BARD1: variants seen among roughly 807,000 people sequenced by gnomAD.
BARD1 encodes BRCA1-associated RING domain protein 1.
In BARD1, 73 loss-of-function variants were observed where a neutral mutation model predicts 77.0. That is an observed-to-expected ratio of 0.95 (90% CI 0.79 to 1.15). The LOEUF (loss-of-function observed/expected upper bound fraction) is 1.15, where lower values mean the gene tolerates loss of function less well. Among genes scored for constraint, BARD1 ranks in the 50% most tolerant of loss-of-function variants. The pLI is 0.00. For synonymous variants in BARD1, 384 were observed against 338.0 expected (o/e 1.14, Z -1.49); for missense variants, 993 against 938.8 (o/e 1.06, Z -0.75).
intron 9 of BARD1, among the ~76,000 whole-genome samples, chr2:214,741,405 A>G (rs1057246449): frequency 4.6e-5 from 7 of 152,180 alleles, no homozygotes; most frequent in Admixed American, 1.3e-4. Flanking sequence ...CAGTGTACTA[A>G]AAGAATAGGT....
At chr2:214,777,407 T>C (rs78728680) in intron 4 of BARD1, among the ~76,000 whole-genome samples, 310 of 152,286 alleles carry the variant, frequency 2.0e-3, no homozygotes, top group African/African-American at 6.9e-3. Context: ...AGGTAACTAG[T>C]GCAGGAGAAC....
At chr2:214,783,375 T>C (rs1695128538) in intron 3 of BARD1, among the ~76,000 whole-genome samples, 1 of 152,164 alleles carries the variant, frequency 6.6e-6, no homozygotes, top group Non-Finnish European at 1.5e-5. Context: ...TGGAATACTA[T>C]GCAGCCATAA....
At chr2:214,760,335 G>A (rs1017780055) in intron 6 of BARD1, among the ~76,000 whole-genome samples, 4 of 152,166 alleles carry the variant, frequency 2.6e-5, no homozygotes, top group Non-Finnish European at 5.9e-5. Flanking sequence ...TGGGACTACA[G>A]GCACACGCCG....
In BARD1 at chr2:214,730,475, T is replaced by A; in HGVS notation, c.1937A>T (p.Glu646Val). 6.2e-7 allele frequency: 1 copy of A among 1,614,048 alleles called. No homozygotes were observed. The highest frequency in any genetic ancestry group is 8.5e-7 in the Non-Finnish European group (1 of 1,179,984). Reference protein sequence around the residue: ...VKACLRRKVCEQEEKYEIPEG... With the variant: ...VKACLRRKVCVQEEKYEIPEG... ...AGGAATTTCATACTTTTCTTCCTGT[T>A]CACATACTTTTCTTCGTAGACATGC... is the stretch of plus-strand genomic sequence containing the variant. Residue 646 changes from glutamate to valine, a missense_variant, in exon 10 of 11, where the codon GAA becomes GTA. Glu to Val is a moderately radical substitution (Grantham distance 121, BLOSUM62 -2). Transcript: ENST00000260947.
At chr2:214,745,884 A>C in intron 7 of BARD1, 30 bp from the exon 8 acceptor site, 2 of 1,613,012 alleles carry the variant, frequency 1.2e-6, no homozygotes, top group South Asian at 2.2e-5. Flanking sequence ...TACCAGTGTT[A>C]AAAACATTAG....
intron 3 of BARD1, among the ~76,000 whole-genome samples, chr2:214,782,236 A>G (rs1373672894): frequency 6.6e-6 from 1 of 152,204 alleles, no homozygotes; most frequent in Non-Finnish European, 1.5e-5. Flanking sequence ...ATATTCAAAC[A>G]TAATCTCTTA....
intron 7 of BARD1, among the ~76,000 whole-genome samples, chr2:214,746,477 T>C (rs1282675085): frequency 6.6e-6 from 1 of 152,126 alleles, no homozygotes; most frequent in Non-Finnish European, 1.5e-5. Context: ...ATAGTTTCAC[T>C]TTAAAATCTA....
At chr2:214,758,695 G>T (rs1381553340) in intron 6 of BARD1, among the ~76,000 whole-genome samples, 1 of 152,184 alleles carries the variant, frequency 6.6e-6, no homozygotes, top group Non-Finnish European at 1.5e-5. Flanking sequence ...GGAAAAGGAA[G>T]TACTTATGAA....
At chr2:214,736,481 G>A (rs1451051812) in intron 9 of BARD1, among the ~76,000 whole-genome samples, 2 of 152,064 alleles carry the variant, frequency 1.3e-5, no homozygotes, top group Non-Finnish European at 2.9e-5. Flanking sequence ...AGAAAGCCAA[G>A]GACTGAACAT....
chr2:214,801,965 C>T (rs1050470858), intron 1 of BARD1, among the ~76,000 whole-genome samples: 19 of 150,776 alleles, frequency 1.3e-4, no homozygotes, highest in Non-Finnish European at 2.2e-4. Context: ...CTGAAGAAAT[C>T]CTCCCATCTC....
intron 4 of BARD1, among the ~76,000 whole-genome samples, chr2:214,776,550 C>T (rs1694744442): frequency 6.6e-6 from 1 of 152,108 alleles, no homozygotes; most frequent in Non-Finnish European, 1.5e-5. Flanking sequence ...AAAAGACTTA[C>T]TGATAGGAGA....
At chr2:214,745,692 A>AC (rs1693070077) in intron 8 of BARD1, 30 bp downstream of exon 8, 1 of 1,613,190 alleles carries the variant, frequency 6.2e-7, no homozygotes, top group African/African-American at 1.3e-5. Context: ...CATTTTTTCT[A>AC]CCCCACCTCC....
chr2:214,749,283 G>T (rs868232286), intron 7 of BARD1, among the ~76,000 whole-genome samples: 4 of 152,130 alleles, frequency 2.6e-5, no homozygotes, highest in Admixed American at 1.3e-4. Context: ...GACTGAAAAA[G>T]AGTGAGTGAA....
At chr2:214,762,098 G>A (rs141961258) in intron 6 of BARD1, among the ~76,000 whole-genome samples, 2,699 of 152,104 alleles carry the variant, frequency 0.018, 29 homozygotes, top group Non-Finnish European at 0.026. Context: ...AATTTGCAAC[G>A]CTCCAAAATT....
At chr2:214,761,210 T>C (rs980477755) in intron 6 of BARD1, among the ~76,000 whole-genome samples, 3 of 151,798 alleles carry the variant, frequency 2.0e-5, no homozygotes, top group African/African-American at 7.3e-5. Flanking sequence ...AAATAGATAC[T>C]GTTATGCTAA....
At chr2:214,790,807 C>T (rs1695478818) in intron 3 of BARD1, among the ~76,000 whole-genome samples, 1 of 152,136 alleles carries the variant, frequency 6.6e-6, no homozygotes, top group South Asian at 2.1e-4. Flanking sequence ...CAAACATGAA[C>T]AGTTTTCATA....
rs62201997 is a variant in BARD1, at chr2:214,805,077, C to T, written c.158+4335G>A. On this transcript the variant is annotated intron_variant, in intron 1 of 10. Transcript: ENST00000260947. ...TCAGGAGGCTGAGGCAGGAGAATCA[C>T]TTGAACCTGGCAGGCGGAGGTTGCA... Among the ~76,000 whole-genome samples, 323 of 152,172 alleles carry T rather than the reference C, an allele frequency of 2.1e-3. 3 individuals carry two copies. Among genetic ancestry groups the T allele is most frequent in the Non-Finnish European group, 4.2e-3 (285 of 68,046 alleles).
In BARD1 at chr2:214,780,665, A is replaced by T. The variant is rs1694947448; in HGVS notation, c.1209T>A (p.Ser403Arg). ...AGGGACTAGACATCACTCGCCTGTAACTTGAACTACTTAATGTAGAAGGTG... is the reference window on the plus strand; with the variant it reads ...AGGGACTAGACATCACTCGCCTGTATCTTGAACTACTTAATGTAGAAGGTG... ...GTPPSTLSSS[S>R]YRRVMSSPSA... The change falls in exon 4 of 11, where the codon AGT (serine) becomes AGA (arginine). Residue 403 changes from serine (S) to arginine (R), a missense_variant. Physicochemically the swap from Ser to Arg is moderately radical, Grantham distance 110 (BLOSUM62 -1). Transcript: ENST00000260947. The T allele has an allele frequency of 6.2e-7, 1 of 1,614,012 alleles. No homozygotes were observed. The highest frequency in any genetic ancestry group is 1.3e-5 in the African/African-American group (1 of 74,938).
chr2:214,743,995 G>C (rs1335991964), intron 9 of BARD1, among the ~76,000 whole-genome samples: 4 of 152,046 alleles, frequency 2.6e-5, no homozygotes, highest in Non-Finnish European at 5.9e-5. Flanking sequence ...CTAATCTTTT[G>C]TAACTACTAA....
Sources: allele counts gnomAD v4.1 joint callset (sites outside exome capture counted in the v4.1 genomes callset), GRCh38; gene constraint gnomAD v4.1.1; transcripts MANE v1.5; gene names NCBI Gene and HGNC (gene_info 2026-07-23, HGNC 2026-07-21).